Variants in SHROOM3 observed in about 807,000 individuals in gnomAD.
SHROOM3 encodes protein Shroom3.
In SHROOM3, 47 loss-of-function variants were observed where a neutral mutation model predicts 138.6. The ratio of observed to expected loss-of-function variants is 0.34; its 90% CI spans 0.27 to 0.43. SHROOM3 has a LOEUF of 0.43. Ranked by LOEUF, SHROOM3 falls within the 20% of genes least tolerant of loss-of-function variation. The pLI is 1.00. For synonymous variants in SHROOM3, 1,062 were observed against 1,063.3 expected (o/e 1.00, Z 0.02); for missense variants, 2,491 against 2,596.5 (o/e 0.96, Z 0.88).
At chr4:76,769,979 T>C (rs1183082283) in intron 9 of SHROOM3, among the ~76,000 whole-genome samples, 1 of 152,118 alleles carries the variant, frequency 6.6e-6, no homozygotes, top group African/African-American at 2.4e-5. Context: ...TACTTACCCA[T>C]AGTATTGTCA....
At chr4:76,714,118 C>A (rs909142644) in intron 3 of SHROOM3, among the ~76,000 whole-genome samples, 2 of 152,178 alleles carry the variant, frequency 1.3e-5, no homozygotes, top group African/African-American at 4.8e-5. Context: ...AATGTTAACA[C>A]CCTTTATAAC....
Position 76,739,310 on chromosome 4 carries a change from G to A in SHROOM3, c.1137G>A (p.Lys379=), listed in dbSNP as rs1361710497. 6.2e-7 allele frequency: 1 copy of A among 1,613,864 alleles called. No homozygotes were observed. The highest frequency in any genetic ancestry group is 1.3e-5 in the African/African-American group (1 of 74,932). ...LETATDNLPP[K]VGAPLPPARS... is the part of the protein sequence containing the mutation. The stretch of plus-strand genomic sequence containing the variant: ...CTGCCACGGACAACCTTCCTCCTAA[G>A]GTGGGTGCACCCCTGCCTCCAGCTC... Residue 379 remains lysine, a synonymous_variant, in exon 5 of 11, where the codon AAG becomes AAA. Transcript: ENST00000296043.
intron 2 of SHROOM3, among the ~76,000 whole-genome samples, chr4:76,605,736 A>C (rs1734599213): frequency 6.6e-6 from 1 of 151,830 alleles, no homozygotes; most frequent in African/African-American, 2.4e-5. Flanking sequence ...AAACAGAAAA[A>C]ATGAAAAGAT....
intron 2 of SHROOM3, among the ~76,000 whole-genome samples, chr4:76,663,431 G>A (rs1718596734): frequency 6.6e-6 from 1 of 151,998 alleles, no homozygotes; most frequent in Non-Finnish European, 1.5e-5. Flanking sequence ...CAGAGAAGTT[G>A]GTTGTGAAGC....
At chr4:76,602,615 G>A (rs1401113161) in intron 2 of SHROOM3, among the ~76,000 whole-genome samples, 1 of 152,076 alleles carries the variant, frequency 6.6e-6, no homozygotes, top group Non-Finnish European at 1.5e-5. Flanking sequence ...ATATGAAATA[G>A]GTTGGTGTTA....
At chr4:76,775,486 G>C (rs1039146158) in intron 10 of SHROOM3, among the ~76,000 whole-genome samples, 2 of 152,050 alleles carry the variant, frequency 1.3e-5, no homozygotes, top group African/African-American at 4.8e-5. Flanking sequence ...AAACAGTATG[G>C]AGATTCCTTA....
At chr4:76,478,364 A>G (rs1400456875) in intron 1 of SHROOM3, among the ~76,000 whole-genome samples, 1 of 152,272 alleles carries the variant, frequency 6.6e-6, no homozygotes, top group Non-Finnish European at 1.5e-5. Flanking sequence ...GCCACTGGGA[A>G]GTTCAAACTG....
intron 1 of SHROOM3, among the ~76,000 whole-genome samples, chr4:76,459,155 C>T (rs1307698121): frequency 6.6e-6 from 1 of 152,078 alleles, no homozygotes; most frequent in Non-Finnish European, 1.5e-5. Flanking sequence ...ATAACAGGCC[C>T]AAATCTCTTT....
intron 2 of SHROOM3, among the ~76,000 whole-genome samples, chr4:76,575,804 A>G (rs1192437123): frequency 6.6e-6 from 1 of 152,250 alleles, no homozygotes; most frequent in Non-Finnish European, 1.5e-5. Context: ...AAAAATGGAA[A>G]GATATTCCAT....
intron 1 of SHROOM3, among the ~76,000 whole-genome samples, chr4:76,499,804 A>G (rs7671473): frequency 8.5e-5 from 13 of 152,338 alleles, no homozygotes; most frequent in Non-Finnish European, 1.8e-4. Context: ...ATTGAGGGAC[A>G]TTCTTATTGA....
intron 3 of SHROOM3, among the ~76,000 whole-genome samples, chr4:76,711,845 A>G (rs1000556080): frequency 6.6e-6 from 1 of 151,862 alleles, no homozygotes; most frequent in Non-Finnish European, 1.5e-5. Flanking sequence ...TTTGAAAAAA[A>G]AAAAAAGATT....
Position 76,740,032 on chromosome 4 carries a change from C to A in SHROOM3, c.1859C>A (p.Ser620Tyr), listed in dbSNP as rs763282977. 1.2e-6 allele frequency: 2 copies of A among 1,613,944 alleles called. No homozygotes were observed. The highest frequency in any genetic ancestry group is 1.7e-6 in the Non-Finnish European group (2 of 1,180,044). ...CAAGCGGGTGAAGACAAGAGATCTT[C>A]CAGGCTCTCAGAGCCCTGGGAGGGC... ...AWQAGEDKRS[S>Y]RLSEPWEGDF... Residue 620 changes from serine (S) to tyrosine (Y), a missense_variant, in exon 5 of 11, where the codon TCC becomes TAC. This residue lies in a region of SHROOM3 where 1,733 missense variants were observed against 1,661.6 expected (regional missense o/e 1.04). Transcript: ENST00000296043. The surrounding 1 kb of genome is among the most constrained non-coding windows in gnomAD (Gnocchi z 4.0).
chr4:76,468,939 C>T (rs549365168), intron 1 of SHROOM3, among the ~76,000 whole-genome samples: 1 of 151,278 alleles, frequency 6.6e-6, no homozygotes, highest in East Asian at 2.0e-4. Flanking sequence ...GAGGCTGAAA[C>T]AGGAGAATGG....
chr4:76,499,445 G>C (rs370519580), intron 1 of SHROOM3, among the ~76,000 whole-genome samples: 3 of 151,390 alleles, frequency 2.0e-5, no homozygotes, highest in Non-Finnish European at 3.0e-5. Flanking sequence ...CAAATACTTA[G>C]AATAGGATTT....
At chr4:76,772,568 T>C (rs1265773453) in intron 10 of SHROOM3, among the ~76,000 whole-genome samples, 2 of 152,236 alleles carry the variant, frequency 1.3e-5, no homozygotes, top group East Asian at 3.8e-4. Context: ...TTAGGAACTC[T>C]GCAGCGCCAC....
At chr4:76,528,159 CA>C (rs1732739563) in intron 1 of SHROOM3, among the ~76,000 whole-genome samples, 1 of 152,168 alleles carries the variant, frequency 6.6e-6, no homozygotes, top group African/African-American at 2.4e-5. Flanking sequence ...TTTACAATCA[CA>C]TTTGTCAAGT....
At chr4:76,459,095 A>G (rs539512188) in intron 1 of SHROOM3, among the ~76,000 whole-genome samples, 25 of 152,224 alleles carry the variant, frequency 1.6e-4, no homozygotes, top group Non-Finnish European at 2.9e-4. Flanking sequence ...TATTCCTGCT[A>G]CCTCCATAGA....
At chr4:76,512,614 T>C (rs1560529631) in intron 1 of SHROOM3, among the ~76,000 whole-genome samples, 2 of 152,278 alleles carry the variant, frequency 1.3e-5, no homozygotes, top group African/African-American at 4.8e-5. Context: ...GTGGCCTTTT[T>C]GGTGGTTACT....
At chr4:76,756,411 C>G (rs1187123308) in intron 7 of SHROOM3, 38 bp from the exon 8 acceptor site, 2 of 1,530,780 alleles carry the variant, frequency 1.3e-6, no homozygotes, top group African/African-American at 1.4e-5. Flanking sequence ...CTCTTTCTCT[C>G]TCTCTCTTTT....
Sources: gnomAD v4.1 joint callset for allele counts (sites outside exome capture counted in the v4.1 genomes callset) on GRCh38, gnomAD v4.1.1 for gene constraint, gnomAD v4.1.1 regional missense constraint, Gnocchi (gnomAD v3.1) non-coding constraint, MANE v1.5 for transcripts, NCBI Gene and HGNC (gene_info 2026-07-23, HGNC 2026-07-21) for gene names.